The following CTNNBL1 variants were observed in gnomAD, a reference collection of about 807,000 sequenced individuals.
CTNNBL1 encodes catenin beta like 1, also known as beta-catenin-like protein 1.
Under a neutral mutation model 72.7 loss-of-function variants are expected in CTNNBL1, and 31 were observed. That is an observed-to-expected ratio of 0.43 (90% CI 0.32 to 0.58). The LOEUF (loss-of-function observed/expected upper bound fraction) is 0.58, where lower values mean the gene tolerates loss of function less well. Ranked by LOEUF, CTNNBL1 falls within the 20% of genes least tolerant of loss-of-function variation. The pLI is 0.08. For missense variants in CTNNBL1, 534 were observed against 725.1 expected (o/e 0.74, Z 3.03); for synonymous variants, 240 against 267.3 (o/e 0.90, Z 1.00).
intron 8 of CTNNBL1, 68 bp downstream of exon 8, chr20:37,777,485 C>A: frequency 6.6e-7 from 1 of 1,522,182 alleles, no homozygotes; most frequent in Non-Finnish European, 9.1e-7. Flanking sequence ...ATCATGACAG[C>A]AAGCTCTCTT....
At chr20:37,718,466 C>T (rs1316392942) in intron 1 of CTNNBL1, among the ~76,000 whole-genome samples, 15 of 134,856 alleles carry the variant, frequency 1.1e-4, no homozygotes, top group Admixed American at 1.4e-4. Context: ...GGGGGGCTGA[C>T]CCCCCCACCT....
intron 3 of CTNNBL1, among the ~76,000 whole-genome samples, chr20:37,740,864 G>A (rs2073209746): frequency 6.6e-6 from 1 of 152,152 alleles, no homozygotes; most frequent in Non-Finnish European, 1.5e-5. Flanking sequence ...AGGATCTCCA[G>A]CCACCCCGCT....
chr20:37,869,315 C>T (rs2072563186), intron 15 of CTNNBL1, among the ~76,000 whole-genome samples: 1 of 152,204 alleles, frequency 6.6e-6, no homozygotes, highest in Non-Finnish European at 1.5e-5. Flanking sequence ...AGGTCACATG[C>T]TTTGTCTCCC....
intron 1 of CTNNBL1, among the ~76,000 whole-genome samples, chr20:37,704,589 TA>T (rs1435785754): frequency 6.6e-6 from 1 of 152,020 alleles, no homozygotes; most frequent in Non-Finnish European, 1.5e-5. Context: ...TGCGCGCTTA[TA>T]ATCCCAGCTA....
chr20:37,730,111 A>T (rs1419878771), intron 1 of CTNNBL1, among the ~76,000 whole-genome samples: 1 of 152,228 alleles, frequency 6.6e-6, no homozygotes, highest in Non-Finnish European at 1.5e-5. Context: ...ACATGAATAA[A>T]GAGGGGAATG....
chr20:37,765,930 T>G (rs1336205256), intron 6 of CTNNBL1, among the ~76,000 whole-genome samples: 1 of 152,190 alleles, frequency 6.6e-6, no homozygotes, highest in Non-Finnish European at 1.5e-5. Flanking sequence ...AAATTGTGTT[T>G]TGGGGGTAGC....
intron 13 of CTNNBL1, among the ~76,000 whole-genome samples, chr20:37,848,984 C>T (rs895205469): frequency 5.3e-5 from 8 of 152,158 alleles, no homozygotes; most frequent in African/African-American, 1.4e-4. Context: ...CCCCTACTGC[C>T]CATATTAGGG....
At chr20:37,825,324 G>T (rs1295262979) in intron 11 of CTNNBL1, among the ~76,000 whole-genome samples, 1 of 152,142 alleles carries the variant, frequency 6.6e-6, no homozygotes, top group East Asian at 1.9e-4. Flanking sequence ...CTGTACTCCA[G>T]CCTGGGCGGC....
At chr20:37,855,188 G>C in intron 13 of CTNNBL1, among the ~76,000 whole-genome samples, 1 of 149,492 alleles carries the variant, frequency 6.7e-6, no homozygotes, top group African/African-American at 2.5e-5. Context: ...TGTTCTCTCT[G>C]AGTTGACTTT....
chr20:37,698,903 G>A (rs1422332948), intron 1 of CTNNBL1, among the ~76,000 whole-genome samples: 1 of 152,074 alleles, frequency 6.6e-6, no homozygotes, highest in African/African-American at 2.4e-5. Context: ...AAAATCAGCT[G>A]GGCATGGTGG....
intron 13 of CTNNBL1, among the ~76,000 whole-genome samples, chr20:37,857,194 G>C (rs1475663335): frequency 1.3e-5 from 2 of 152,218 alleles, no homozygotes; most frequent in African/African-American, 4.8e-5. Flanking sequence ...AAACTAAAGA[G>C]AACGTTCTAT....
chr20:37,840,010 T>C (rs377010980), intron 11 of CTNNBL1, 92 bp from the exon 12 acceptor site: 2 of 860,052 alleles, frequency 2.3e-6, no homozygotes, highest in African/African-American at 3.3e-5. Flanking sequence ...GGCCTACTTA[T>C]TCTGCCCTCA....
chr20:37,719,614 TC>T (rs1373799028), intron 1 of CTNNBL1, among the ~76,000 whole-genome samples: 1 of 152,134 alleles, frequency 6.6e-6, no homozygotes, highest in African/African-American at 2.4e-5. Flanking sequence ...CTTTCTCATC[TC>T]CCCTTCATGT....
intron 13 of CTNNBL1, among the ~76,000 whole-genome samples, chr20:37,853,046 C>T (rs1026140471): frequency 1.3e-5 from 2 of 152,168 alleles, no homozygotes; most frequent in East Asian, 1.9e-4. Context: ...CCTGCACTCA[C>T]ACAAGGTCTC....
At chr20:37,703,855 G>A (rs183113755) in intron 1 of CTNNBL1, among the ~76,000 whole-genome samples, 10 of 150,366 alleles carry the variant, frequency 6.7e-5, no homozygotes, top group African/African-American at 2.5e-4. Context: ...TCGGCTCACT[G>A]CAACCTCTGC....
intron 3 of CTNNBL1, among the ~76,000 whole-genome samples, chr20:37,739,683 A>C (rs1383601115): frequency 2.0e-5 from 3 of 152,154 alleles, no homozygotes; most frequent in African/African-American, 7.2e-5. Flanking sequence ...TCAGTCTTTA[A>C]CATCTTTGCC....
intron 2 of CTNNBL1, among the ~76,000 whole-genome samples, chr20:37,737,006 G>A (rs1045383173): frequency 1.3e-5 from 2 of 151,910 alleles, no homozygotes; most frequent in African/African-American, 4.8e-5. Flanking sequence ...GGCAGATCAC[G>A]AGGTCAGGAG....
intron 10 of CTNNBL1, among the ~76,000 whole-genome samples, chr20:37,799,428 A>G (rs1340075325): frequency 6.6e-6 from 1 of 152,086 alleles, no homozygotes; most frequent in East Asian, 1.9e-4. Flanking sequence ...ACGCTCCTAC[A>G]GGCTGCACAC....
intron 11 of CTNNBL1, among the ~76,000 whole-genome samples, chr20:37,808,770 C>A (rs1025817159): frequency 6.6e-6 from 1 of 152,110 alleles, no homozygotes; most frequent in Non-Finnish European, 1.5e-5. Context: ...TCACTCCCTA[C>A]CTCTGGTTGA....
Sources: gnomAD v4.1 joint callset for allele counts (sites outside exome capture counted in the v4.1 genomes callset) on GRCh38, gnomAD v4.1.1 for gene constraint, MANE v1.5 for transcripts, NCBI Gene and HGNC (gene_info 2026-07-23, HGNC 2026-07-21) for gene names.